RASGRF2: variants seen among roughly 807,000 people sequenced by gnomAD.
The protein encoded by RASGRF2 is Ras protein specific guanine nucleotide releasing factor 2, also known as ras-specific guanine nucleotide-releasing factor 2.
RASGRF2 carries 76 observed loss-of-function variants against 151.0 expected under a neutral mutation model. The observed-to-expected ratio is 0.50, with a 90% CI of 0.42 to 0.61. The LOEUF (loss-of-function observed/expected upper bound fraction) is 0.61. Ranked by LOEUF, RASGRF2 falls within the 20% of genes least tolerant of loss-of-function variation. The pLI is 0.00. For missense variants in RASGRF2, 1,148 were observed against 1,564.6 expected (o/e 0.73, Z 4.49); for synonymous variants, 504 against 566.5 (o/e 0.89, Z 1.57).
Position 81,009,073 on chromosome 5 carries a change from G to C in RASGRF2, c.289-33804G>C, listed in dbSNP as rs553892030. Among the ~76,000 whole-genome samples, 20 of 152,234 alleles carry C rather than the reference G, an allele frequency of 1.3e-4. No homozygotes were observed. In the South Asian group the frequency reaches 3.9e-3, roughly 30 times the overall value. On this transcript the variant is annotated intron_variant, in intron 1 of 26. Coordinates refer to ENST00000265080, the MANE Select transcript of RASGRF2 (RefSeq NM_006909.3). Reference sequence around the variant, plus strand: ...CAGTGGGAGTCCACTACTACCCCTGGGCCTGCAGCTGAGAGCACATGCCCT... The same window carrying C: ...CAGTGGGAGTCCACTACTACCCCTGCGCCTGCAGCTGAGAGCACATGCCCT...
At chr5:81,108,861 TGTG>T in intron 12 of RASGRF2, 132 bp from the exon 13 acceptor site, 1 of 1,122,816 alleles carries the variant, frequency 8.9e-7, no homozygotes, top group East Asian at 2.7e-5. Flanking sequence ...TGTGTGTGTG[TGTG>T]TGTGTGTGTG....
At position 81,168,274 on chromosome 5, in the gene RASGRF2, T is replaced by A. The variant is rs558100415; in HGVS notation, c.2687-11901T>A. On this transcript the variant is annotated intron_variant, in intron 17 of 26. Coordinates refer to ENST00000265080, the MANE Select transcript of RASGRF2 (RefSeq NM_006909.3). ...CATCAATTTCCCCCTTTATCAATCA[T>A]TCCTATAGCATGCCAGCGTCTTTTT... 4.6e-5 allele frequency among the ~76,000 whole-genome samples: 7 copies of A among 150,784 alleles called. No individual in the cohort carries two copies. The South Asian group carries it at 1.3e-3, about 27-fold the overall frequency.
chr5:81,099,228 T>C (rs949067185), intron 12 of RASGRF2, among the ~76,000 whole-genome samples: 4 of 152,240 alleles, frequency 2.6e-5, no homozygotes, highest in African/African-American at 7.2e-5. Context: ...AGTGTATACA[T>C]ACATCATGTT....
intron 1 of RASGRF2, among the ~76,000 whole-genome samples, chr5:80,995,684 TC>T (rs34823229): frequency 2.9e-5 from 2 of 69,474 alleles, no homozygotes; most frequent in African/African-American, 5.3e-5. Context: ...TTCCTTTCCT[TC>T]CCCCCCCCTT....
chr5:81,113,743 A>C lies in RASGRF2; in HGVS notation c.2293A>C (p.Ser765Arg), dbSNP rs767610994. 3 of 1,614,132 alleles carry C rather than the reference A, an allele frequency of 1.9e-6. No homozygotes were observed. Residue 765 changes from serine (S) to arginine (R), a missense_variant, in exon 15 of 27, where the codon AGT (serine) becomes CGT (arginine). By Grantham distance (110) the Ser-to-Arg change is moderately radical. Transcript: ENST00000265080. ...IGALDLTTSSSPTTTTQSPAA... is the reference protein window; with the variant it reads ...IGALDLTTSSRPTTTTQSPAA... ...AGCATTGGACCTGACAACTTCCAGC[A>C]GTCCCACCACCACCACCCAGAGTCC... is the stretch of plus-strand genomic sequence containing the variant.
intron 18 of RASGRF2, among the ~76,000 whole-genome samples, chr5:81,187,798 A>G (rs1039183968): frequency 6.6e-6 from 1 of 152,216 alleles, no homozygotes; most frequent in Non-Finnish European, 1.5e-5. Context: ...GTGAGTGGAC[A>G]TAGTTCATCT....
intron 17 of RASGRF2, among the ~76,000 whole-genome samples, chr5:81,134,335 A>T (rs1051894817): frequency 3.3e-5 from 5 of 152,050 alleles, no homozygotes; most frequent in African/African-American, 9.7e-5. Flanking sequence ...TCAGTGTTTT[A>T]GGTGTAGATA....
intron 2 of RASGRF2, among the ~76,000 whole-genome samples, chr5:81,064,704 A>T (rs892004972): frequency 5.9e-5 from 9 of 152,118 alleles, no homozygotes; most frequent in African/African-American, 2.2e-4. Flanking sequence ...TCCTTTTCAG[A>T]TATGTGGGCA....
At chr5:81,010,230 G>A (rs923137492) in intron 1 of RASGRF2, among the ~76,000 whole-genome samples, 2 of 151,876 alleles carry the variant, frequency 1.3e-5, no homozygotes, top group Admixed American at 6.6e-5. Flanking sequence ...TTGGATGATG[G>A]TAGGATTATG....
chr5:81,219,613 C>G (rs950221868), intron 25 of RASGRF2, 97 bp from the exon 26 acceptor site: 3 of 1,003,296 alleles, frequency 3.0e-6, no homozygotes, highest in Admixed American at 3.9e-5. Context: ...GGGACTGACC[C>G]TTCTGGGAAG....
At chr5:81,059,455 A>C (rs1342914223) in intron 2 of RASGRF2, among the ~76,000 whole-genome samples, 1 of 151,620 alleles carries the variant, frequency 6.6e-6, no homozygotes, top group Non-Finnish European at 1.5e-5. Context: ...GACTGGGGGA[A>C]AACCTGAGAC....
Position 80,961,083 on chromosome 5 carries a change from G to C in RASGRF2, c.288+57G>C. 4 of 1,393,498 alleles carry C rather than the reference G, an allele frequency of 2.9e-6. No individual in the cohort carries two copies. The African/African-American group carries it at 5.8e-5, about 20-fold the overall frequency. The allele number at this position is 1,393,498 out of a possible 1,614,324, so 86.3% of individuals were successfully genotyped here. On this transcript the variant is annotated intron_variant, in intron 1 of 26. Coordinates refer to ENST00000265080, the MANE Select transcript of RASGRF2 (RefSeq NM_006909.3). ...GCCTTGATCGCCGCACTCCCTTGCC[G>C]TCCTAATCCGGGGATCAGGGGTCGG...
intron 9 of RASGRF2, among the ~76,000 whole-genome samples, chr5:81,090,492 T>C (rs913601439): frequency 6.6e-6 from 1 of 152,210 alleles, no homozygotes; most frequent in Admixed American, 6.5e-5. Context: ...TCATGTCAAA[T>C]GCAAGAGAAA....
chr5:81,176,028 G>T (rs1328221240), intron 17 of RASGRF2, among the ~76,000 whole-genome samples: 1 of 152,140 alleles, frequency 6.6e-6, no homozygotes, highest in Non-Finnish European at 1.5e-5. Context: ...CATTAGCTGT[G>T]ATTGTTTTAA....
intron 16 of RASGRF2, among the ~76,000 whole-genome samples, chr5:81,126,765 A>G (rs1196761485): frequency 6.6e-6 from 1 of 152,156 alleles, no homozygotes; most frequent in Non-Finnish European, 1.5e-5. Context: ...GCTAAATAAT[A>G]TTCCCTTGTA....
In RASGRF2 at chr5:81,207,324, G is replaced by A; in HGVS notation, c.3046G>A (p.Val1016Ile). Residue 1016 changes from valine (V) to isoleucine (I), a missense_variant, in exon 21 of 27, where the codon GTC (valine) becomes ATC (isoleucine). Physicochemically the swap from Val to Ile is conservative, Grantham distance 29. This residue lies in a region of RASGRF2 where 646 missense variants were observed against 807.4 expected (regional missense o/e 0.80). Transcript: ENST00000265080. ...AGAACAGATCACCCTCCTGGACCAT[G>A]TCATTTTCAGAAGCATTCCCTACGA... Reference protein sequence around the residue: ...LAEQITLLDHVIFRSIPYEEF... With the variant: ...LAEQITLLDHIIFRSIPYEEF... 3 of 1,614,146 alleles carry A rather than the reference G, an allele frequency of 1.9e-6. No homozygotes were observed. Among genetic ancestry groups the A allele is most frequent in the Non-Finnish European group, 1.7e-6 (2 of 1,180,002 alleles).
intron 1 of RASGRF2, among the ~76,000 whole-genome samples, chr5:80,966,646 GA>G (rs1464473967): frequency 6.6e-6 from 1 of 152,010 alleles, no homozygotes; most frequent in African/African-American, 2.4e-5. Context: ...TATATATTTA[GA>G]AAAAAACAGT....
chr5:81,127,891 T>C (rs1480706248), intron 17 of RASGRF2, among the ~76,000 whole-genome samples: 1 of 121,106 alleles, frequency 8.3e-6, no homozygotes, highest in Admixed American at 1.2e-4. Flanking sequence ...GCCACTGCAC[T>C]CCAGCCTGTG....
chr5:81,206,952 C>T (rs1755522048), intron 20 of RASGRF2, 47 bp downstream of exon 20: 1 of 1,423,368 alleles, frequency 7.0e-7, no homozygotes, highest in Non-Finnish European at 9.9e-7. Flanking sequence ...TGCAAACTAC[C>T]TCTCCAAGGC....
Sources: allele counts gnomAD v4.1 joint callset (sites outside exome capture counted in the v4.1 genomes callset), GRCh38; gene constraint gnomAD v4.1.1; regional missense constraint gnomAD v4.1.1; transcripts MANE v1.5; gene names NCBI Gene and HGNC (gene_info 2026-07-23, HGNC 2026-07-21).